NUCB2: variants seen among roughly 807,000 people sequenced by gnomAD.
The protein encoded by NUCB2 is nucleobindin 2, also known as nucleobindin-2.
In NUCB2, 48 loss-of-function variants were observed where a neutral mutation model predicts 57.9. The observed-to-expected ratio is 0.83, with a 90% confidence interval of 0.66 to 1.05. The LOEUF is 1.05. Among genes scored for constraint, NUCB2 ranks in the 50% least tolerant of loss-of-function variants. The pLI, the probability that NUCB2 is intolerant of heterozygous loss-of-function variation, is 0.00. For missense variants in NUCB2, 442 were observed against 476.2 expected (o/e 0.93, Z 0.67); for synonymous variants, 139 against 152.1 (o/e 0.91, Z 0.64).
downstream of NUCB2, among the ~76,000 whole-genome samples, chr11:17,334,820 A>G (rs1951674490): frequency 6.7e-6 from 1 of 149,392 alleles, no homozygotes; most frequent in Non-Finnish European, 1.5e-5. Context: ...TGGGAGGTGG[A>G]GGTTGCAGTG....
chr11:17,297,229 C>T (rs1945963270), intron 4 of NUCB2, among the ~76,000 whole-genome samples: 1 of 151,904 alleles, frequency 6.6e-6, no homozygotes, highest in South Asian at 2.1e-4. Context: ...GTTTTACTTT[C>T]TTAAAAAATT....
At chr11:17,282,242 A>ATCTGTCTG (rs1465883881) in intron 1 of NUCB2, among the ~76,000 whole-genome samples, 1 of 119,676 alleles carries the variant, frequency 8.4e-6, no homozygotes, top group South Asian at 2.8e-4. Context: ...CTATCTATAT[A>ATCTGTCTG]TATATATATA....
At chr11:17,347,895 C>A (rs1952872073) in intron 2 of NUCB2, among the ~76,000 whole-genome samples, 1 of 152,064 alleles carries the variant, frequency 6.6e-6, no homozygotes, top group African/African-American at 2.4e-5. Context: ...CTGGCTGTTA[C>A]CTAATGGTGA....
chr11:17,285,737 C>G (rs576377802), intron 2 of NUCB2, among the ~76,000 whole-genome samples: 80 of 133,944 alleles, frequency 6.0e-4, no homozygotes, highest in African/African-American at 2.2e-3. Context: ...GAGTGAGACT[C>G]CGTCTCAAAA....
chr11:17,293,552 C>G (rs1468907947), intron 2 of NUCB2, among the ~76,000 whole-genome samples: 2 of 152,090 alleles, frequency 1.3e-5, no homozygotes, highest in South Asian at 2.1e-4. Flanking sequence ...AGTTATATAA[C>G]CAAAAGAATT....
chr11:17,287,806 C>T (rs1009677113), intron 2 of NUCB2, among the ~76,000 whole-genome samples: 1 of 152,106 alleles, frequency 6.6e-6, no homozygotes, highest in Non-Finnish European at 1.5e-5. Context: ...TTGAGACCAC[C>T]TTGGCCAACA....
rs199503493 is a variant in NUCB2 at position 17,296,146 on chromosome 11, G to A, written c.187G>A (p.Asp63Asn). Residue 63 changes from aspartate (D) to asparagine (N), a missense_variant, in exon 4 of 14, where the codon GAT (aspartate) becomes AAT (asparagine). Physicochemically the swap from Asp to Asn is conservative, Grantham distance 23 (BLOSUM62 1). Transcript: ENST00000529010. Reference protein sequence around the residue: ...YYDEYLKQVIDVLETDKHFRE... With the variant: ...YYDEYLKQVINVLETDKHFRE... Reference sequence around the variant, plus strand: ...TGATGAATATCTCAAGCAAGTGATTGATGTGCTGGAAACAGATAAACACTT... The same window carrying A: ...TGATGAATATCTCAAGCAAGTGATTAATGTGCTGGAAACAGATAAACACTT... The A allele has an allele frequency of 1.1e-5, 18 of 1,612,158 alleles. No individual in the cohort carries two copies. The African/African-American group carries it at 2.4e-4, about 21-fold the overall frequency.
At chr11:17,282,244 A>ATCTATCTATCTGTC (rs1555062099) in intron 1 of NUCB2, among the ~76,000 whole-genome samples, 1 of 102,452 alleles carries the variant, frequency 9.8e-6, no homozygotes, top group African/African-American at 4.3e-5. Context: ...ATCTATATAT[A>ATCTATCTATCTGTC]TATATATATA....
At chr11:17,311,154 A>G (rs767057453) in intron 7 of NUCB2, 39 bp from the exon 8 acceptor site, 1 of 1,516,068 alleles carries the variant, frequency 6.6e-7, no homozygotes, top group Admixed American at 2.0e-5. Flanking sequence ...CAGATAGATT[A>G]TATTTTGTTT....
chr11:17,346,441 G>A (rs1952743059), intron 2 of NUCB2, among the ~76,000 whole-genome samples: 1 of 150,790 alleles, frequency 6.6e-6, no homozygotes, highest in Admixed American at 6.7e-5. Context: ...AAGGAAACCT[G>A]GCTGATGTTA....
intron 5 of NUCB2, among the ~76,000 whole-genome samples, chr11:17,304,854 A>C (rs1437338316): frequency 1.3e-5 from 2 of 152,266 alleles, no homozygotes; most frequent in Admixed American, 6.5e-5. Context: ...TGAAGGATGC[A>C]AAAGTAGACT....
chr11:17,329,628 T>C (rs1200602231), intron 11 of NUCB2, among the ~76,000 whole-genome samples: 3 of 152,188 alleles, frequency 2.0e-5, no homozygotes, highest in Non-Finnish European at 4.4e-5. Flanking sequence ...GGGCACAGAC[T>C]CTCTGTGCTG....
At chr11:17,296,464 T>G (rs1945840648) in intron 4 of NUCB2, among the ~76,000 whole-genome samples, 1 of 152,048 alleles carries the variant, frequency 6.6e-6, no homozygotes, top group Non-Finnish European at 1.5e-5. Context: ...TCCCAGCCCT[T>G]AAGGAACCCT....
chr11:17,331,263 A>G (rs1951369287), intron 13 of NUCB2, 149 bp from the exon 14 acceptor site: 5 of 525,462 alleles, frequency 9.5e-6, no homozygotes, highest in Middle Eastern at 1.0e-3. Flanking sequence ...TTCTAATTAT[A>G]TTAATCTTAC....
At chr11:17,348,277 AC>A (rs1952906903) in intron 2 of NUCB2, among the ~76,000 whole-genome samples, 1 of 149,586 alleles carries the variant, frequency 6.7e-6, no homozygotes. Context: ...GCTACTTGGA[AC>A]AACAATGGTC....
At position 17,331,399 on chromosome 11, in the gene NUCB2, T is replaced by G; in HGVS notation, c.1256-13T>G. The stretch of plus-strand genomic sequence containing the variant: ...TACTTTTAAAATAAGAACTTTTTTC[T>G]TTTTTCCAACAGACATTTAAAGTCT... On this transcript the variant is annotated splice_polypyrimidine_tract_variant and intron_variant, in intron 13 of 13. Coordinates refer to ENST00000529010, the MANE Select transcript of NUCB2 (RefSeq NM_005013.4). 7.0e-7 allele frequency: 1 copy of G among 1,434,998 alleles called. No homozygotes were observed. Among genetic ancestry groups the G allele is most frequent in the Non-Finnish European group, 9.2e-7 (1 of 1,082,820 alleles). 88.9% of individuals were successfully genotyped at this position (1,434,998 alleles called of 1,614,324 possible).
At chr11:17,307,611 C>T (rs1947880789) in intron 5 of NUCB2, among the ~76,000 whole-genome samples, 1 of 152,046 alleles carries the variant, frequency 6.6e-6, no homozygotes, top group Non-Finnish European at 1.5e-5. Context: ...GAGACCATCT[C>T]TCTTTTTATT....
intron 2 of NUCB2, among the ~76,000 whole-genome samples, chr11:17,283,291 A>G (rs1452878596): frequency 6.6e-6 from 1 of 152,228 alleles, no homozygotes. Flanking sequence ...TCTTCCTTTA[A>G]GGAGAATTCC....
intron 1 of NUCB2, among the ~76,000 whole-genome samples, chr11:17,282,240 A>ATCTATCTATCTATCTATCTATCTATC: frequency 9.3e-6 from 1 of 107,032 alleles, no homozygotes; most frequent in African/African-American, 3.5e-5. Flanking sequence ...ATCTATCTAT[A>ATCTATCTATCTATCTATCTATCTATC]TATATATATA....
Sources: gnomAD v4.1 joint callset for allele counts (sites outside exome capture counted in the v4.1 genomes callset) on GRCh38, gnomAD v4.1.1 for gene constraint, MANE v1.5 for transcripts, NCBI Gene and HGNC (gene_info 2026-07-23, HGNC 2026-07-21) for gene names.